SLC24A3: variants seen among roughly 807,000 people sequenced by gnomAD.
SLC24A3 encodes the protein sodium/potassium/calcium exchanger 3.
Under a neutral mutation model 75.8 loss-of-function variants are expected in SLC24A3, and 28 were observed. The ratio of observed to expected loss-of-function variants is 0.37; its 90% confidence interval spans 0.27 to 0.51. The LOEUF is 0.51. SLC24A3 is among the 20% of genes least tolerant of loss of function. The pLI, the probability that SLC24A3 is intolerant of heterozygous loss-of-function variation, is 0.94. For missense variants in SLC24A3, 663 were observed against 847.8 expected (o/e 0.78, Z 2.71); for synonymous variants, 372 against 334.1 (o/e 1.11, Z -1.24).
intron 6 of SLC24A3, among the ~76,000 whole-genome samples, chr20:19,608,976 A>G (rs1400042943): frequency 6.6e-6 from 1 of 152,242 alleles, no homozygotes; most frequent in Non-Finnish European, 1.5e-5. Context: ...AGAGGGTTTC[A>G]TGAGGCAGAC....
rs543358545 is a variant in SLC24A3, at chr20:19,712,633, G to A, written c.1720-4895G>A. ...CTTAGCAGAGCTCCTGGCCCTCCTC[G>A]ATCTTCATTAATGGCTAGCCTGTCA... On this transcript the variant is annotated intron_variant, in intron 15 of 16. Coordinates refer to ENST00000328041, the MANE Select transcript of SLC24A3 (RefSeq NM_020689.4). 1.1e-4 allele frequency among the ~76,000 whole-genome samples: 16 copies of A among 152,258 alleles called. No homozygotes were observed. The South Asian group carries it at 2.9e-3, about 28-fold the overall frequency.
At chr20:19,461,408 CATGTACGCACATATACATAT>C (rs1406296425) in intron 2 of SLC24A3, among the ~76,000 whole-genome samples, 1 of 151,738 alleles carries the variant, frequency 6.6e-6, no homozygotes, top group Non-Finnish European at 1.5e-5. Flanking sequence ...TATACACATA[CATGTACGCACATATACATAT>C]ATGTTCACAC....
At chr20:19,584,640 A>C (rs2031268511) in intron 4 of SLC24A3, among the ~76,000 whole-genome samples, 1 of 152,156 alleles carries the variant, frequency 6.6e-6, no homozygotes, top group African/African-American at 2.4e-5. Context: ...TGTCATCTGC[A>C]CAGCCCCTGC....
At chr20:19,379,486 C>G (rs1986145947) in intron 2 of SLC24A3, among the ~76,000 whole-genome samples, 1 of 152,106 alleles carries the variant, frequency 6.6e-6, no homozygotes, top group African/African-American at 2.4e-5. Context: ...GCCCGAGTCT[C>G]ACCAGATTTG....
intron 10 of SLC24A3, among the ~76,000 whole-genome samples, chr20:19,682,220 A>G (rs902009014): frequency 6.6e-6 from 1 of 152,144 alleles, no homozygotes; most frequent in Non-Finnish European, 1.5e-5. Context: ...GCTCTACTGC[A>G]CTCCAGTCAG....
chr20:19,223,012 GC>G (rs1555782173), intron 1 of SLC24A3, among the ~76,000 whole-genome samples: 1 of 152,046 alleles, frequency 6.6e-6, no homozygotes, highest in Non-Finnish European at 1.5e-5. Flanking sequence ...AATACAGAGG[GC>G]CAGGCACAGT....
At chr20:19,592,862 C>A (rs1242123082) in intron 6 of SLC24A3, among the ~76,000 whole-genome samples, 1 of 138,642 alleles carries the variant, frequency 7.2e-6, no homozygotes, top group Non-Finnish European at 1.5e-5. Context: ...GTGGCACGAT[C>A]TTGGCTCACT....
chr20:19,428,726 T>A (rs1987053829), intron 2 of SLC24A3, among the ~76,000 whole-genome samples: 1 of 152,194 alleles, frequency 6.6e-6, no homozygotes, highest in Admixed American at 6.5e-5. Context: ...ATTCCATCAC[T>A]TCTTGGCCAC....
intron 8 of SLC24A3, among the ~76,000 whole-genome samples, chr20:19,669,185 C>T (rs961545185): frequency 3.9e-5 from 6 of 152,198 alleles, no homozygotes; most frequent in Middle Eastern, 3.4e-3. Context: ...GGTTAGGTGC[C>T]TATGTGCTAA....
At chr20:19,403,105 A>G (rs751010080) in intron 2 of SLC24A3, among the ~76,000 whole-genome samples, 24 of 152,222 alleles carry the variant, frequency 1.6e-4, no homozygotes, top group Admixed American at 3.3e-4. Context: ...CTGGCCTCCT[A>G]TTTTGAGACA....
Position 19,721,213 on chromosome 20 carries a change from C to A in SLC24A3, c.*73C>A. ...CGAGACCCGGCCGCACCCCGAGTCACACAGGCCCCCGGGGCCACGGCGTTC... is the reference window on the plus strand; with the variant it reads ...CGAGACCCGGCCGCACCCCGAGTCAAACAGGCCCCCGGGGCCACGGCGTTC... On this transcript the variant is annotated 3_prime_UTR_variant, in exon 17 of 17. Coordinates refer to ENST00000328041, the MANE Select transcript of SLC24A3 (RefSeq NM_020689.4). 6.3e-7 allele frequency: 1 copy of A among 1,577,346 alleles called. No homozygotes were observed. Among genetic ancestry groups the A allele is most frequent in the South Asian group, 1.2e-5 (1 of 85,576 alleles).
intron 2 of SLC24A3, among the ~76,000 whole-genome samples, chr20:19,328,783 GC>G (rs1303344938): frequency 6.6e-6 from 1 of 152,186 alleles, no homozygotes; most frequent in Non-Finnish European, 1.5e-5. Flanking sequence ...GCAGGTCAAG[GC>G]TGGAGATACC....
chr20:19,325,795 T>TATATAGAGAG (rs1251419875), intron 2 of SLC24A3, among the ~76,000 whole-genome samples: 41 of 67,796 alleles, frequency 6.0e-4, no homozygotes, highest in East Asian at 1.3e-3. Flanking sequence ...TATATATATA[T>TATATAGAGAG]AGAGAGAGAG....
intron 2 of SLC24A3, among the ~76,000 whole-genome samples, chr20:19,303,393 T>G (rs1984244909): frequency 6.6e-6 from 1 of 152,266 alleles, no homozygotes; most frequent in African/African-American, 2.4e-5. Flanking sequence ...TGCCACATTT[T>G]CTTTAACCAG....
chr20:19,277,496 T>G (rs1438879440), intron 1 of SLC24A3, among the ~76,000 whole-genome samples: 3 of 152,238 alleles, frequency 2.0e-5, no homozygotes, highest in Admixed American at 6.5e-5. Flanking sequence ...AGGAGTTTTG[T>G]GAGGACAAAT....
At chr20:19,522,723 A>T (rs1213915322) in intron 3 of SLC24A3, among the ~76,000 whole-genome samples, 1 of 151,900 alleles carries the variant, frequency 6.6e-6, no homozygotes, top group Non-Finnish European at 1.5e-5. Flanking sequence ...GTGGCGCAGG[A>T]GGCCTCTCTG....
chr20:19,363,201 G>C (rs1002084516), intron 2 of SLC24A3, among the ~76,000 whole-genome samples: 3 of 152,240 alleles, frequency 2.0e-5, no homozygotes, highest in African/African-American at 4.8e-5. Context: ...TGGGTTGAGT[G>C]CACAAGCATG....
intron 2 of SLC24A3, among the ~76,000 whole-genome samples, chr20:19,482,153 A>G (rs1312426496): frequency 1.3e-5 from 2 of 152,136 alleles, no homozygotes; most frequent in Non-Finnish European, 2.9e-5. Flanking sequence ...TAGAAATGCA[A>G]ATGGCTTCCC....
chr20:19,630,875 A>G (rs1251527558), intron 6 of SLC24A3, among the ~76,000 whole-genome samples: 2 of 152,228 alleles, frequency 1.3e-5, no homozygotes. Context: ...TGGTGCTCTG[A>G]AAACAGCCTC....
Sources: allele counts gnomAD v4.1 joint callset (sites outside exome capture counted in the v4.1 genomes callset), GRCh38; gene constraint gnomAD v4.1.1; transcripts MANE v1.5; gene names NCBI Gene and HGNC (gene_info 2026-07-23, HGNC 2026-07-21).